The following RNF11 variants were observed in gnomAD, a reference collection of about 807,000 sequenced individuals.
The protein encoded by RNF11 is ring finger protein 11.
A neutral mutation model predicts 15.8 loss-of-function variants in RNF11; 4 were observed. The ratio of observed to expected loss-of-function variants is 0.25; its 90% CI spans 0.12 to 0.58. RNF11 has a LOEUF of 0.58. Among genes scored for constraint, RNF11 ranks in the 20% least tolerant of loss-of-function variants. The pLI is 0.91. For missense variants in RNF11, 139 were observed against 194.4 expected, an observed-to-expected ratio of 0.71 and a Z score of 1.70; for synonymous variants, 68 against 72.3, an observed-to-expected ratio of 0.94 and a Z score of 0.30.
chr1:51,256,865 G>T (rs144379223), intron 1 of RNF11, among the ~76,000 whole-genome samples: 1 of 152,094 alleles, frequency 6.6e-6, no homozygotes, highest in African/African-American at 2.4e-5. Flanking sequence ...GTAGAGACGG[G>T]GTTTCACCAT....
chr1:51,239,493 C>T (rs1053748138), intron 1 of RNF11, among the ~76,000 whole-genome samples: 1 of 152,012 alleles, frequency 6.6e-6, no homozygotes, highest in African/African-American at 2.4e-5. Flanking sequence ...TGTCCCCCAC[C>T]CCCAAAGAAA....
intron 1 of RNF11, among the ~76,000 whole-genome samples, chr1:51,238,731 CT>C (rs113178945): frequency 0.016 from 2,319 of 147,020 alleles, 61 homozygotes; most frequent in African/African-American, 0.054. Context: ...GCTTATTTAA[CT>C]TTTTTTTTTT....
At chr1:51,256,263 A>ATT (rs1363870254) in intron 1 of RNF11, among the ~76,000 whole-genome samples, 1 of 152,074 alleles carries the variant, frequency 6.6e-6, no homozygotes, top group Non-Finnish European at 1.5e-5. Flanking sequence ...TGATGGTTCT[A>ATT]TTGTCTCCAT....
intron 1 of RNF11, among the ~76,000 whole-genome samples, chr1:51,264,473 T>G (rs1330764165): frequency 2.6e-5 from 4 of 151,660 alleles, no homozygotes; most frequent in Non-Finnish European, 2.9e-5. Flanking sequence ...GAACATACAT[T>G]GAGACCAACT....
chr1:51,236,708 C>T lies in RNF11; in HGVS notation c.-49C>T. ...GCGGACCGCGGAGTGTGCGAACGAC[C>T]CCACCGCTGCTTTCTCCTCCCCCAG... On this transcript the variant is annotated 5_prime_UTR_variant, in exon 1 of 3. Coordinates refer to ENST00000242719, the MANE Select transcript of RNF11 (RefSeq NM_014372.5). The T allele has an allele frequency of 6.2e-7, 1 of 1,605,362 alleles. No individual in the cohort carries two copies. Among genetic ancestry groups the T allele is most frequent in the African/African-American group, 1.3e-5 (1 of 74,634 alleles).
chr1:51,271,066 C>T (rs1646975783), intron 2 of RNF11, 85 bp from the exon 3 acceptor site: 15 of 1,130,526 alleles, frequency 1.3e-5, no homozygotes, highest in Middle Eastern at 4.0e-4. Context: ...CTCAGATTAA[C>T]ACTGTCTTTA....
chr1:51,257,660 A>G (rs1168505947), intron 1 of RNF11, among the ~76,000 whole-genome samples: 2 of 151,118 alleles, frequency 1.3e-5, no homozygotes, highest in Non-Finnish European at 3.0e-5. Context: ...GTTTCGCCAC[A>G]TTGCCCAGGC....
At chr1:51,261,226 T>A (rs972493021) in intron 1 of RNF11, among the ~76,000 whole-genome samples, 2 of 152,194 alleles carry the variant, frequency 1.3e-5, no homozygotes, top group Non-Finnish European at 2.9e-5. Context: ...ACAGACCCTT[T>A]AAGGTCAGGG....
chr1:51,236,677 A>G lies in RNF11; in HGVS notation c.-80A>G. On this transcript the variant is annotated 5_prime_UTR_variant, in exon 1 of 3. Coordinates refer to ENST00000242719, the MANE Select transcript of RNF11 (RefSeq NM_014372.5). ...CCTGTCGCCCGACCCCACCTCGCCA[A>G]CCGAGGCGGACCGCGGAGTGTGCGA... 6.3e-7 allele frequency: 1 copy of G among 1,579,478 alleles called. No individual in the cohort carries two copies. Among genetic ancestry groups the G allele is most frequent in the Non-Finnish European group, 8.6e-7 (1 of 1,159,188 alleles).
chr1:51,254,530 G>T (rs1273248651), intron 1 of RNF11, among the ~76,000 whole-genome samples: 1 of 151,954 alleles, frequency 6.6e-6, no homozygotes. Flanking sequence ...CAGGATCTCG[G>T]CTCACTGCAA....
intron 1 of RNF11, among the ~76,000 whole-genome samples, chr1:51,241,295 TG>T (rs1646828085): frequency 1.3e-5 from 2 of 152,214 alleles, no homozygotes; most frequent in Admixed American, 6.5e-5. Flanking sequence ...GATGAGGTCT[TG>T]CTGTGTTGCC....
At chr1:51,246,304 A>G (rs1569657647) in intron 1 of RNF11, among the ~76,000 whole-genome samples, 1 of 152,176 alleles carries the variant, frequency 6.6e-6, no homozygotes, top group Middle Eastern at 3.4e-3. Context: ...GGCTGTGTGC[A>G]GTGGCTCATA....
rs1268697741 is a variant in RNF11, at chr1:51,236,466, G to A, written c.-291G>A. The A allele has an allele frequency of 4.9e-5, 12 of 245,160 alleles. No individual in the cohort carries two copies. The highest frequency in any genetic ancestry group is 7.1e-5 in the Non-Finnish European group (9 of 127,002). The allele number at this position is 245,160 out of a possible 1,614,324, so 15.2% of individuals were successfully genotyped here. ...CTCCGTGGCCGCCGCCGCCCCGCGGGGGGGCGGGGTGGGGAAGTGCTTCGT... is the reference window on the plus strand; with the variant it reads ...CTCCGTGGCCGCCGCCGCCCCGCGGAGGGGCGGGGTGGGGAAGTGCTTCGT... On this transcript the variant is annotated 5_prime_UTR_variant, in exon 1 of 3. Transcript: ENST00000242719.
At chr1:51,251,479 T>A (rs969151150) in intron 1 of RNF11, 2 of 613,268 alleles carry the variant, frequency 3.3e-6, no homozygotes, top group Non-Finnish European at 5.7e-6. Context: ...CCATTTGGTG[T>A]TTTCTCGGAG....
At chr1:51,251,197 C>A in intron 1 of RNF11, 1 of 1,443,204 alleles carries the variant, frequency 6.9e-7, no homozygotes, top group Non-Finnish European at 9.5e-7. Context: ...AGGAAAAAGT[C>A]AATGATCTCT....
At chr1:51,244,625 C>T (rs1216642422) in intron 1 of RNF11, among the ~76,000 whole-genome samples, 17 of 152,106 alleles carry the variant, frequency 1.1e-4, no homozygotes, top group Admixed American at 7.2e-4. Context: ...CCTCCTGCCT[C>T]GGCCTCCCAA....
rs1646914003 is a variant in RNF11 at position 51,258,136 on chromosome 1, G to C, written c.124-11820G>C. ...CCTAAAGTGCTGGGATTACGGGTGT[G>C]AGCCACTGCACCCAGCCAATTTGCA... is the stretch of plus-strand genomic sequence containing the variant. On this transcript the variant is annotated intron_variant, in intron 1 of 2. Coordinates refer to ENST00000242719, the MANE Select transcript of RNF11 (RefSeq NM_014372.5). Among the ~76,000 whole-genome samples the C allele has an allele frequency of 2.0e-5, 3 of 152,126 alleles. No homozygotes were observed. The South Asian group carries it at 6.2e-4, about 31-fold the overall frequency.
At chr1:51,248,561 A>C (rs1013092189) in intron 1 of RNF11, among the ~76,000 whole-genome samples, 5 of 152,192 alleles carry the variant, frequency 3.3e-5, no homozygotes, top group Admixed American at 1.3e-4. Context: ...AGGAGAAATG[A>C]TGAGTCTCTT....
chr1:51,245,153 G>A (rs997408329), intron 1 of RNF11, among the ~76,000 whole-genome samples: 3 of 152,182 alleles, frequency 2.0e-5, no homozygotes, highest in East Asian at 1.9e-4. Context: ...TCAACCTCAC[G>A]GGCCCAAGCC....
Sources: gnomAD v4.1 joint callset for allele counts (sites outside exome capture counted in the v4.1 genomes callset) on GRCh38, gnomAD v4.1.1 for gene constraint, MANE v1.5 for transcripts, NCBI Gene and HGNC (gene_info 2026-07-23, HGNC 2026-07-21) for gene names.